SHROOM3: variants seen among roughly 807,000 people sequenced by gnomAD.
SHROOM3 encodes the protein protein Shroom3.
In SHROOM3, 47 loss-of-function variants were observed where a neutral mutation model predicts 138.6. The observed-to-expected ratio is 0.34, with a 90% CI of 0.27 to 0.43. The LOEUF is 0.43. Among genes scored for constraint, SHROOM3 ranks in the 20% least tolerant of loss-of-function variants. The pLI, the probability that SHROOM3 is intolerant of heterozygous loss-of-function variation, is 1.00. For synonymous variants in SHROOM3, 1,062 were observed against 1,063.3 expected, an observed-to-expected ratio of 1.00 and a Z score of 0.02; for missense variants, 2,491 against 2,596.5, an observed-to-expected ratio of 0.96 and a Z score of 0.88.
intron 2 of SHROOM3, among the ~76,000 whole-genome samples, chr4:76,596,016 C>T (rs1160627384): frequency 3.9e-5 from 6 of 152,198 alleles, no homozygotes; most frequent in Non-Finnish European, 8.8e-5. Flanking sequence ...TGCACACACA[C>T]TGAATCCTAT....
chr4:76,538,198 C>T (rs1733023089), intron 1 of SHROOM3, among the ~76,000 whole-genome samples: 1 of 152,154 alleles, frequency 6.6e-6, no homozygotes, highest in Non-Finnish European at 1.5e-5. Context: ...TGCAACCAGC[C>T]TGAATTGTAC....
Position 76,598,228 on chromosome 4 carries a change from G to A in SHROOM3, c.323+42465G>A, listed in dbSNP as rs551204186. On this transcript the variant is annotated intron_variant, in intron 2 of 10. Transcript: ENST00000296043. ...TTTTTAGTAGAGACGGGGTTTCACC[G>A]TGTTAGCCAGGATGGTCTCGATCTC... Among the ~76,000 whole-genome samples the A allele has an allele frequency of 1.4e-3, 214 of 151,832 alleles. 5 individuals are homozygous for A. In the South Asian group the frequency reaches 0.034, roughly 24 times the overall value.
intron 1 of SHROOM3, among the ~76,000 whole-genome samples, chr4:76,496,626 G>GCTGTCCTTGTCTCCTA (rs1731973802): frequency 6.6e-6 from 1 of 152,112 alleles, no homozygotes; most frequent in African/African-American, 2.4e-5. Flanking sequence ...ATTTCGACTT[G>GCTGTCCTTGTCTCCTA]CTGTCCTTGT....
intron 2 of SHROOM3, among the ~76,000 whole-genome samples, chr4:76,690,457 T>G (rs943397882): frequency 6.6e-6 from 1 of 152,234 alleles, no homozygotes; most frequent in Non-Finnish European, 1.5e-5. Flanking sequence ...GTGCCCTGCA[T>G]GCGGGTCATC....
intron 1 of SHROOM3, among the ~76,000 whole-genome samples, chr4:76,490,532 G>A (rs1382396845): frequency 6.6e-6 from 1 of 152,056 alleles, no homozygotes; most frequent in Admixed American, 6.6e-5. Context: ...TGGGATTACA[G>A]GTGTGAGCCA....
chr4:76,709,576 T>G (rs1720166188), intron 2 of SHROOM3, among the ~76,000 whole-genome samples: 1 of 150,060 alleles, frequency 6.7e-6, no homozygotes, highest in African/African-American at 2.5e-5. Context: ...GGTGGGAGGG[T>G]GGATTTAAAT....
At chr4:76,639,370 A>G (rs566178825) in intron 2 of SHROOM3, 1 of 390,108 alleles carries the variant, frequency 2.6e-6, no homozygotes, top group East Asian at 3.6e-5. Context: ...CTTCCCTTTC[A>G]TGCCCACAGC....
intron 1 of SHROOM3, among the ~76,000 whole-genome samples, chr4:76,497,097 C>G (rs1731984475): frequency 6.6e-6 from 1 of 152,198 alleles, no homozygotes. Context: ...TGTTTTAAGG[C>G]ATGTTCCTAT....
At chr4:76,523,032 C>G (rs773643217) in intron 1 of SHROOM3, among the ~76,000 whole-genome samples, 1 of 152,148 alleles carries the variant, frequency 6.6e-6, no homozygotes, top group Non-Finnish European at 1.5e-5. Context: ...AAGTTATTCT[C>G]TCACAGTTCT....
chr4:76,481,363 A>C (rs1395371280), intron 1 of SHROOM3, among the ~76,000 whole-genome samples: 1 of 152,186 alleles, frequency 6.6e-6, no homozygotes, highest in Non-Finnish European at 1.5e-5. Flanking sequence ...CTACACAAAT[A>C]AACTAGAAAA....
rs901400015 is a variant in SHROOM3 at position 76,752,462 on chromosome 4, A to G, written c.3828-1849A>G. ...TGTTTTTTCTAACCACAATTTTTTA[A>G]AAATGCTTTTTCTTTTTTTTTTTAA... On this transcript the variant is annotated intron_variant, in intron 6 of 10. Coordinates refer to ENST00000296043, the MANE Select transcript of SHROOM3 (RefSeq NM_020859.4). Among the ~76,000 whole-genome samples, 24 of 152,190 alleles carry G rather than the reference A, an allele frequency of 1.6e-4. 1 individual carries two copies. The highest frequency in any genetic ancestry group is 5.1e-4 in the African/African-American group (21 of 41,438).
At chr4:76,662,921 A>AAGGGAGAGGGAGAGGG (rs1718578804) in intron 2 of SHROOM3, among the ~76,000 whole-genome samples, 3 of 149,682 alleles carry the variant, frequency 2.0e-5, no homozygotes, top group Non-Finnish European at 4.5e-5. Flanking sequence ...GAGGGAGAGG[A>AAGGGAGAGGGAGAGGG]AGGGAGAGGG....
intron 2 of SHROOM3, chr4:76,688,693 A>G (rs895989465): frequency 1.5e-5 from 15 of 985,328 alleles, no homozygotes; most frequent in South Asian, 4.7e-5. Context: ...CTGGACGCCT[A>G]TATCATAAAT....
chr4:76,464,225 G>A lies in SHROOM3; in HGVS notation c.168+28005G>A, dbSNP rs540786167. ...GAGAGTTCACCTCTTGCATCAGCAT[G>A]ACTTGGATGTGATACATGGAGTCAA... On this transcript the variant is annotated intron_variant, in intron 1 of 10. Transcript: ENST00000296043. 3.9e-5 allele frequency among the ~76,000 whole-genome samples: 6 copies of A among 152,370 alleles called. No individual in the cohort carries two copies. The East Asian group carries it at 9.6e-4, about 24-fold the overall frequency.
intron 1 of SHROOM3, among the ~76,000 whole-genome samples, chr4:76,530,450 C>G (rs1560535604): frequency 6.6e-6 from 1 of 152,146 alleles, no homozygotes; most frequent in African/African-American, 2.4e-5. Flanking sequence ...TTTTCATCCT[C>G]CAGGGTCTTG....
At chr4:76,704,475 C>T (rs4859709) in intron 2 of SHROOM3, among the ~76,000 whole-genome samples, 32,354 of 152,168 alleles carry the variant, frequency 0.21, 3,631 homozygotes, top group African/African-American at 0.27. Flanking sequence ...GATGTTCCAG[C>T]TGGGAGCAGA....
chr4:76,609,775 A>G (rs1471181239), intron 2 of SHROOM3, among the ~76,000 whole-genome samples: 1 of 152,216 alleles, frequency 6.6e-6, no homozygotes, highest in African/African-American at 2.4e-5. Flanking sequence ...ACCTAAATAG[A>G]GAGTCTAGAA....
intron 2 of SHROOM3, among the ~76,000 whole-genome samples, chr4:76,570,544 C>T (rs1452568495): frequency 2.6e-5 from 4 of 152,088 alleles, no homozygotes; most frequent in East Asian, 1.9e-4. Flanking sequence ...TCAAAAACTC[C>T]GAGTCACTCC....
At chr4:76,758,979 T>A (rs905406990) in intron 8 of SHROOM3, among the ~76,000 whole-genome samples, 1 of 152,136 alleles carries the variant, frequency 6.6e-6, no homozygotes, top group South Asian at 2.1e-4. Context: ...AGATTTTATA[T>A]CTTGTATTAG....
Sources: gnomAD v4.1 joint callset for allele counts (sites outside exome capture counted in the v4.1 genomes callset) on GRCh38, gnomAD v4.1.1 for gene constraint, MANE v1.5 for transcripts, NCBI Gene and HGNC (gene_info 2026-07-23, HGNC 2026-07-21) for gene names.